The following SYNE2 variants were observed in gnomAD, a reference collection of about 807,000 sequenced individuals.
SYNE2 encodes nesprin-2.
A neutral mutation model predicts 856.3 loss-of-function variants in SYNE2; 431 were observed. The observed-to-expected ratio is 0.50, with a 90% CI of 0.47 to 0.55. The LOEUF (loss-of-function observed/expected upper bound fraction) is 0.55. SYNE2 is among the 20% of genes least tolerant of loss of function. SYNE2 has a pLI of 0.00. For missense variants in SYNE2, 8,129 were observed against 8,023.2 expected (o/e 1.01, Z -0.50); for synonymous variants, 2,923 against 2,872.3 (o/e 1.02, Z -0.56).
At chr14:63,907,797 A>T (rs544375990) in intron 1 of SYNE2, among the ~76,000 whole-genome samples, 16 of 152,292 alleles carry the variant, frequency 1.1e-4, no homozygotes, top group Middle Eastern at 3.4e-3. Flanking sequence ...GCCAAGGCTC[A>T]TGGTGAACTA....
At position 64,090,881 on chromosome 14, in the gene SYNE2, A is replaced by G. The variant is rs2097606480; in HGVS notation, c.11809A>G (p.Ile3937Val). ...LKHGEVILEN[I>V]RPMKKTIAEI... ...TATAATTAAGGTCATACTTGAAAAT[A>G]TACGTCCCATGAAGAAAACCATTGC... The change falls in exon 60 of 116, where the codon ATA (isoleucine) becomes GTA (valine). Residue 3937 changes from isoleucine to valine, a missense_variant. Around this residue, in one of 3 missense-constraint regions of SYNE2, gnomAD observed 5,410 missense variants for 5,284.8 expected, o/e 1.02. Coordinates refer to ENST00000555002, the MANE Select transcript of SYNE2 (RefSeq NM_182914.3). 3 of 1,613,990 alleles carry G rather than the reference A, an allele frequency of 1.9e-6. No homozygotes were observed. The highest frequency in any genetic ancestry group is 2.7e-5 in the African/African-American group (2 of 74,948).
intron 90 of SYNE2, among the ~76,000 whole-genome samples, chr14:64,165,638 A>G (rs1386379315): frequency 6.6e-6 from 1 of 151,866 alleles, no homozygotes; most frequent in Non-Finnish European, 1.5e-5. Flanking sequence ...TCAGCCTCCC[A>G]AGTAGCTGGG....
intron 6 of SYNE2, among the ~76,000 whole-genome samples, chr14:63,946,410 A>C (rs926304358): frequency 6.6e-5 from 10 of 151,966 alleles, no homozygotes; most frequent in African/African-American, 2.2e-4. Context: ...CCTGGGCAAC[A>C]GAGCAAGACC....
intron 84 of SYNE2, among the ~76,000 whole-genome samples, chr14:64,149,577 T>G (rs2098221496): frequency 6.6e-6 from 1 of 152,116 alleles, no homozygotes. Context: ...GTGGGGAGGT[T>G]TGAGATGAGA....
At position 64,119,576 on chromosome 14, in the gene SYNE2, G is replaced by T; in HGVS notation, c.12990G>T (p.Gln4330His). Residue 4330 changes from glutamine to histidine, a missense_variant, in exon 67 of 116, where the codon CAG (glutamine) becomes CAT (histidine). Physicochemically the swap from Gln to His is conservative, Grantham distance 24 (BLOSUM62 0). Coordinates refer to ENST00000555002, the MANE Select transcript of SYNE2 (RefSeq NM_182914.3). Reference sequence around the variant, plus strand: ...TGAAGTGCAATTTAGAAAAAGTCCAGATGATGCTTCAGGAGAAGCACAGTG... The same window carrying T: ...TGAAGTGCAATTTAGAAAAAGTCCATATGATGCTTCAGGAGAAGCACAGTG... The part of the protein sequence containing the change: ...KTVKCNLEKV[Q>H]MMLQEKHSED... 1 of 1,614,156 alleles carries T rather than the reference G, an allele frequency of 6.2e-7. No individual in the cohort carries two copies. The highest frequency in any genetic ancestry group is 8.5e-7 in the Non-Finnish European group (1 of 1,180,022).
In SYNE2 at chr14:64,087,857, G is replaced by A; in HGVS notation, c.11670+1G>A. On this transcript the variant is annotated splice_donor_variant, in intron 58 of 115. Transcript: ENST00000555002. LOFTEE classifies it high-confidence loss of function. ...TCCACAGATTCAGCGAATGGCTGAT[G>A]TAAGTTTGCACCATTCATTTAATCA... 2 of 1,613,948 alleles carry A rather than the reference G, an allele frequency of 1.2e-6. No individual in the cohort carries two copies. The highest frequency in any genetic ancestry group is 1.7e-6 in the Non-Finnish European group (2 of 1,179,852).
intron 1 of SYNE2, among the ~76,000 whole-genome samples, chr14:63,799,552 A>G (rs1443133090): frequency 2.0e-5 from 3 of 151,830 alleles, no homozygotes; most frequent in Non-Finnish European, 2.9e-5. Context: ...AAAACAAAAA[A>G]ATTTAGCCGG....
intron 99 of SYNE2, among the ~76,000 whole-genome samples, chr14:64,193,543 C>T (rs1020930252): frequency 6.6e-6 from 1 of 150,552 alleles, no homozygotes; most frequent in Non-Finnish European, 1.5e-5. Flanking sequence ...GAGCGAACTC[C>T]GTCTCAAAAA....
At position 64,062,756 on chromosome 14, in the gene SYNE2, T is replaced by C. The variant is rs752681009; in HGVS notation, c.10073T>C (p.Leu3358Pro). 1 of 1,613,540 alleles carries C rather than the reference T, an allele frequency of 6.2e-7. No homozygotes were observed. Among genetic ancestry groups the C allele is most frequent in the Non-Finnish European group, 8.5e-7 (1 of 1,179,486 alleles). Residue 3358 changes from leucine (L) to proline (P), a missense_variant, in exon 50 of 116, where the codon CTT becomes CCT. Around this residue, in one of 3 missense-constraint regions of SYNE2, gnomAD observed 5,410 missense variants for 5,284.8 expected, o/e 1.02. Coordinates refer to ENST00000555002, the MANE Select transcript of SYNE2 (RefSeq NM_182914.3). ...TTCTAACTGTGACTCACTAGGTATCTTGAGAATTACAAATGCTATAGAAAA... is the reference window on the plus strand; with the variant it reads ...TTCTAACTGTGACTCACTAGGTATCCTGAGAATTACAAATGCTATAGAAAA... ...KAQETEAERYLENYKCYRKME... is the reference protein window; with the variant it reads ...KAQETEAERYPENYKCYRKME...
Position 64,119,357 on chromosome 14 carries a change from T to A in SYNE2, c.12841-70T>A, listed in dbSNP as rs1304632563. The A allele has an allele frequency of 2.5e-6, 4 of 1,590,386 alleles. No individual in the cohort carries two copies. The African/African-American group carries it at 4.0e-5, about 16-fold the overall frequency. ...ACACTTAAGTAAAAAGAGTAAGTCT[T>A]AACTTGTTTGCAGGCACAATACTTC... On this transcript the variant is annotated intron_variant, in intron 66 of 115. Coordinates refer to ENST00000555002, the MANE Select transcript of SYNE2 (RefSeq NM_182914.3).
intron 1 of SYNE2, among the ~76,000 whole-genome samples, chr14:63,825,690 A>T (rs551351779): frequency 2.0e-5 from 3 of 152,244 alleles, no homozygotes; most frequent in Admixed American, 2.0e-4. Flanking sequence ...CCTGGTCAAC[A>T]TGGCAAAACC....
At chr14:64,001,645 C>G (rs182463679) in intron 28 of SYNE2, among the ~76,000 whole-genome samples, 138 of 152,302 alleles carry the variant, frequency 9.1e-4, no homozygotes, top group Middle Eastern at 6.8e-3. Context: ...CATGGTTAAC[C>G]TAGCTCTGCT....
intron 5 of SYNE2, 30 bp from the exon 6 acceptor site, chr14:63,942,021 T>C (rs2095924615): frequency 6.3e-7 from 1 of 1,599,418 alleles, no homozygotes; most frequent in African/African-American, 1.3e-5. Flanking sequence ...GGATATTTCC[T>C]CCTTTTAACC....
At chr14:64,025,524 C>A in intron 41 of SYNE2, 103 bp downstream of exon 41, 2 of 1,169,768 alleles carry the variant, frequency 1.7e-6, no homozygotes, top group Non-Finnish European at 2.4e-6. Context: ...AAAATCAGAT[C>A]ACTGTGGAAT....
chr14:64,140,240 T>A (rs2098129029), intron 80 of SYNE2, among the ~76,000 whole-genome samples, 167 bp downstream of exon 80: 1 of 152,218 alleles, frequency 6.6e-6, no homozygotes, highest in Non-Finnish European at 1.5e-5. Flanking sequence ...ATACTGTTCA[T>A]TCGTTTATAA....
At chr14:63,980,771 A>T in intron 15 of SYNE2, 39 bp downstream of exon 15, 1 of 1,364,656 alleles carries the variant, frequency 7.3e-7, no homozygotes, top group Non-Finnish European at 1.0e-6. Context: ...AATGACTGTC[A>T]CTTAACAGTG....
At position 63,896,460 on chromosome 14, in the gene SYNE2, G is replaced by T. The variant is rs550454115; in HGVS notation, c.-51-12638G>T. Among the ~76,000 whole-genome samples the T allele has an allele frequency of 2.0e-5, 3 of 152,320 alleles. No homozygotes were observed. The South Asian group carries it at 6.2e-4, about 32-fold the overall frequency. On this transcript the variant is annotated intron_variant, in intron 1 of 115. Transcript: ENST00000555002. ...GATCCAAAGACAACATCCAGGAATG[G>T]GTGGACTCTGTTTCAGGCATTCCTC...
intron 42 of SYNE2, 36 bp downstream of exon 42, chr14:64,026,766 C>T (rs2096982826): frequency 1.3e-6 from 2 of 1,582,692 alleles, no homozygotes; most frequent in African/African-American, 2.7e-5. Context: ...CATCATATCC[C>T]ATTGCCCAGT....
intron 10 of SYNE2, among the ~76,000 whole-genome samples, chr14:63,966,287 C>T (rs993222464): frequency 5.3e-5 from 8 of 151,390 alleles, no homozygotes; most frequent in South Asian, 2.1e-4. Context: ...AGGTGAGGCA[C>T]GTGGATCATT....
Sources: gnomAD v4.1 joint callset for allele counts (sites outside exome capture counted in the v4.1 genomes callset) on GRCh38, gnomAD v4.1.1 for gene constraint, gnomAD v4.1.1 regional missense constraint, MANE v1.5 for transcripts, NCBI Gene and HGNC (gene_info 2026-07-23, HGNC 2026-07-21) for gene names.